Variants in EPHB1 observed in about 807,000 individuals in gnomAD.
EPHB1 encodes the protein EPH receptor B1.
In EPHB1, 30 loss-of-function variants were observed where a neutral mutation model predicts 94.4. That is an observed-to-expected ratio of 0.32 (90% CI 0.24 to 0.43). EPHB1 has a LOEUF of 0.43. EPHB1 is among the 20% of genes least tolerant of loss of function. The probability of loss-of-function intolerance (pLI) is 1.00; values close to 1 mark genes in which losing one functional copy is unlikely to be tolerated. For missense variants in EPHB1, 1,055 were observed against 1,308.3 expected (o/e 0.81, Z 2.99); for synonymous variants, 522 against 489.1 (o/e 1.07, Z -0.89).
At chr3:135,114,537 TAAAAAAAAA>T (rs56100882) in intron 4 of EPHB1, among the ~76,000 whole-genome samples, 6 of 37,220 alleles carry the variant, frequency 1.6e-4, no homozygotes, top group African/African-American at 6.5e-4. Context: ...CTGTCTCTAC[TAAAAAAAAA>T]AAAAAAAAAA....
intron 1 of EPHB1, among the ~76,000 whole-genome samples, chr3:134,899,976 C>T (rs971060132): frequency 3.9e-5 from 6 of 152,194 alleles, no homozygotes; most frequent in Non-Finnish European, 7.3e-5. Flanking sequence ...AGTTGTAGGA[C>T]ATGGACTATG....
At chr3:134,919,256 A>G (rs1473397698) in intron 1 of EPHB1, among the ~76,000 whole-genome samples, 1 of 152,198 alleles carries the variant, frequency 6.6e-6, no homozygotes. Context: ...TTTGGTGTGA[A>G]GAAGAAGAGA....
At chr3:135,200,473 AT>A (rs1942724057) in intron 11 of EPHB1, among the ~76,000 whole-genome samples, 1 of 152,214 alleles carries the variant, frequency 6.6e-6, no homozygotes, top group Non-Finnish European at 1.5e-5. Flanking sequence ...AGGTGTGGTT[AT>A]ACCAGTCTAA....
intron 10 of EPHB1, among the ~76,000 whole-genome samples, chr3:135,192,048 A>AC (rs530682858): frequency 1.3e-3 from 196 of 152,324 alleles, no homozygotes; most frequent in African/African-American, 4.5e-3. Flanking sequence ...TCACAAGTGA[A>AC]CCTCTTCCCT....
At chr3:135,153,112 C>A (rs1374329013) in intron 5 of EPHB1, among the ~76,000 whole-genome samples, 1 of 152,166 alleles carries the variant, frequency 6.6e-6, no homozygotes, top group South Asian at 2.1e-4. Flanking sequence ...CTTGTGACCC[C>A]GTAGTTGTGC....
chr3:135,083,518 TA>T (rs1938233230), intron 3 of EPHB1, among the ~76,000 whole-genome samples: 2 of 151,406 alleles, frequency 1.3e-5, no homozygotes, highest in African/African-American at 4.9e-5. Context: ...AGGTTGAAAA[TA>T]CAGAAGAGAG....
At chr3:135,205,392 G>A (rs1041267447) in intron 12 of EPHB1, among the ~76,000 whole-genome samples, 2 of 151,988 alleles carry the variant, frequency 1.3e-5, no homozygotes, top group Non-Finnish European at 1.5e-5. Flanking sequence ...TCCCCCATCT[G>A]TTATTCCTTT....
At chr3:135,228,295 A>C (rs1200399298) in intron 12 of EPHB1, among the ~76,000 whole-genome samples, 5 of 152,146 alleles carry the variant, frequency 3.3e-5, no homozygotes, top group Non-Finnish European at 7.4e-5. Context: ...AGTTTGTCTG[A>C]TGTCCCTTCA....
intron 3 of EPHB1, among the ~76,000 whole-genome samples, chr3:135,082,032 G>C (rs1938182376): frequency 6.6e-6 from 1 of 151,898 alleles, no homozygotes; most frequent in Non-Finnish European, 1.5e-5. Flanking sequence ...ATGAAATGCA[G>C]GCTCTTCCCA....
At chr3:135,113,432 A>G (rs533793702) in intron 4 of EPHB1, among the ~76,000 whole-genome samples, 1 of 152,284 alleles carries the variant, frequency 6.6e-6, no homozygotes, top group Non-Finnish European at 1.5e-5. Context: ...TCAGAATTTC[A>G]CAAGAGCATT....
intron 13 of EPHB1, 114 bp downstream of exon 13, chr3:135,241,411 T>C: frequency 7.6e-7 from 1 of 1,315,282 alleles, no homozygotes; most frequent in Non-Finnish European, 1.1e-6. Flanking sequence ...GAACCTGCAG[T>C]GTTCAGGGTA....
chr3:135,063,195 T>C (rs1281697212), intron 3 of EPHB1, among the ~76,000 whole-genome samples: 1 of 152,200 alleles, frequency 6.6e-6, no homozygotes, highest in African/African-American at 2.4e-5. Flanking sequence ...ATATGAATTT[T>C]AGAATTGTTT....
rs551680187 is a variant in EPHB1, at chr3:134,954,613, T to C, written c.805+2561T>C. ...CTCTGAGCCTGGCTGGGTCAAATGC[T>C]GATGGCTCTATGATTCATAAAGTTG... is the stretch of plus-strand genomic sequence containing the variant. On this transcript the variant is annotated intron_variant, in intron 3 of 15. Transcript: ENST00000398015. Among the ~76,000 whole-genome samples, 5 of 152,344 alleles carry C rather than the reference T, an allele frequency of 3.3e-5. No individual in the cohort carries two copies. In the South Asian group the frequency reaches 1.0e-3, roughly 32 times the overall value.
At chr3:134,954,541 C>A (rs996427581) in intron 3 of EPHB1, among the ~76,000 whole-genome samples, 9 of 152,144 alleles carry the variant, frequency 5.9e-5, no homozygotes, top group African/African-American at 2.2e-4. Context: ...ACACAGTGAG[C>A]CTTCAACAAC....
At chr3:134,835,608 C>A (rs2036659635) in intron 1 of EPHB1, among the ~76,000 whole-genome samples, 2 of 152,198 alleles carry the variant, frequency 1.3e-5, no homozygotes, top group Admixed American at 1.3e-4. Context: ...AGCCAAGATT[C>A]CAGCCCAGAG....
At position 134,833,489 on chromosome 3, in the gene EPHB1, T is replaced by C. The variant is rs1336407854; in HGVS notation, c.58+37800T>C. Among the ~76,000 whole-genome samples the C allele has an allele frequency of 5.9e-5, 9 of 152,346 alleles. 1 individual carries two copies. The highest frequency in any genetic ancestry group is 1.9e-4 in the East Asian group (1 of 5,190). ...ATTGGTTCAGGATAGTAAACTTTCA[T>C]TGAGCACCTAATATGTTCCAGGCAC... On this transcript the variant is annotated intron_variant, in intron 1 of 15. Transcript: ENST00000398015.
At chr3:134,932,756 T>A (rs113224152) in intron 2 of EPHB1, among the ~76,000 whole-genome samples, 1 of 152,206 alleles carries the variant, frequency 6.6e-6, no homozygotes, top group Non-Finnish European at 1.5e-5. Context: ...AATGATTCAA[T>A]CATGCTTATT....
chr3:134,857,157 C>T (rs915484653), intron 1 of EPHB1, among the ~76,000 whole-genome samples: 1 of 152,166 alleles, frequency 6.6e-6, no homozygotes, highest in Non-Finnish European at 1.5e-5. Flanking sequence ...GTGGAGGGCT[C>T]AACTAGGGTG....
In EPHB1 at chr3:134,795,523, A is replaced by T; in HGVS notation, c.-109A>T. The T allele has an allele frequency of 2.8e-6, 3 of 1,067,400 alleles. No individual in the cohort carries two copies. In the South Asian group the frequency reaches 4.5e-5, roughly 16 times the overall value. 66.1% of individuals were successfully genotyped at this position (1,067,400 alleles called of 1,614,324 possible). On this transcript the variant is annotated 5_prime_UTR_variant, in exon 1 of 16. An upstream open reading frame in the 5' UTR gains an earlier in-frame stop. Coordinates refer to ENST00000398015, the MANE Select transcript of EPHB1 (RefSeq NM_004441.5). The stretch of plus-strand genomic sequence containing the variant: ...AAGTCCGGTCCGGGCGAGAGCGCGA[A>T]AGGATACCGAGAAGCCACCCGCGGA...
Sources: gnomAD v4.1 joint callset for allele counts (sites outside exome capture counted in the v4.1 genomes callset) on GRCh38, gnomAD v4.1.1 for gene constraint, MANE v1.5 for transcripts, NCBI Gene and HGNC (gene_info 2026-07-23, HGNC 2026-07-21) for gene names.